GOLT1A: variants seen among roughly 807,000 people sequenced by gnomAD.
The protein encoded by GOLT1A is golgi transport 1A.
A neutral mutation model predicts 16.1 loss-of-function variants in GOLT1A; 10 were observed. The observed-to-expected ratio is 0.62, with a 90% CI of 0.38 to 1.05. GOLT1A has a LOEUF of 1.05. Among genes scored for constraint, GOLT1A ranks in the 50% least tolerant of loss-of-function variants. The pLI, the probability that GOLT1A is intolerant of heterozygous loss-of-function variation, is 0.01. For missense variants in GOLT1A, 137 were observed against 165.7 expected (o/e 0.83, Z 0.95); for synonymous variants, 60 against 67.9 (o/e 0.88, Z 0.57).
rs766729685 is a variant in GOLT1A at position 204,202,867 on chromosome 1, G to T, written c.117+29C>A. 4 of 1,518,986 alleles carry T rather than the reference G, an allele frequency of 2.6e-6. No homozygotes were observed. The African/African-American group carries it at 5.5e-5, about 21-fold the overall frequency. 94.1% of individuals were successfully genotyped at this position (1,518,986 alleles called of 1,614,324 possible). On this transcript the variant is annotated intron_variant, in intron 2 of 4. Transcript: ENST00000308302. ...AGACTTCAGAAAGGTTGGGGCAGGG[G>T]AGTGGGGACACAGGGCTGGGAGACT...
Position 204,199,151 on chromosome 1 carries a change from C to A in GOLT1A, c.360+44G>T, listed in dbSNP as rs1246139083. The A allele has an allele frequency of 3.3e-6, 5 of 1,520,260 alleles. No individual in the cohort carries two copies. The South Asian group carries it at 3.6e-5, about 11-fold the overall frequency. 94.2% of individuals were successfully genotyped at this position (1,520,260 alleles called of 1,614,324 possible). ...GCTCCCCTCCGTGTGCTCCCCCTCA[C>A]TCCCCAGGGTACGCCCGCAGGGCTG... On this transcript the variant is annotated intron_variant, in intron 4 of 4. Coordinates refer to ENST00000308302, the MANE Select transcript of GOLT1A (RefSeq NM_198447.2).
intron 3 of GOLT1A, among the ~76,000 whole-genome samples, chr1:204,200,581 G>C (rs1418234356): frequency 6.6e-6 from 1 of 151,714 alleles, no homozygotes; most frequent in African/African-American, 2.4e-5. Context: ...GCCTGCCTCG[G>C]CCTCCCAAAG....
rs12094776 is a variant in GOLT1A, at chr1:204,208,389, C to T, written c.26-5402G>A. On this transcript the variant is annotated intron_variant, in intron 1 of 4. Transcript: ENST00000308302. ...GTGTGTATCTATACACATATACACA[C>T]ATATGTATACATATATGTATATATG... Among the ~76,000 whole-genome samples the T allele has an allele frequency of 1.7e-4, 13 of 78,236 alleles. No individual in the cohort carries two copies. The South Asian group carries it at 2.8e-3, about 17-fold the overall frequency. The allele number at this position is 78,236 out of a possible 152,430, so 51.3% of individuals were successfully genotyped here. A position where few individuals can be genotyped will look rare whatever the true frequency, so the allele number is the denominator to read the frequency against.
At chr1:204,208,200 T>C (rs1179447567) in intron 1 of GOLT1A, among the ~76,000 whole-genome samples, 1 of 151,868 alleles carries the variant, frequency 6.6e-6, no homozygotes, top group Non-Finnish European at 1.5e-5. Flanking sequence ...GAAAAGATAC[T>C]TGCACATGCC....
chr1:204,200,426 C>T (rs1658938864), intron 3 of GOLT1A, among the ~76,000 whole-genome samples: 1 of 150,164 alleles, frequency 6.7e-6, no homozygotes, highest in Admixed American at 6.6e-5. Context: ...TGCGTTTAAG[C>T]AATTCTTGTG....
chr1:204,199,067 T>G (rs1408751630), intron 4 of GOLT1A, 128 bp downstream of exon 4: 1 of 771,088 alleles, frequency 1.3e-6, no homozygotes, highest in Non-Finnish European at 2.2e-6. Context: ...AAACCTGGGC[T>G]AGGGGGTCTG....
rs1214063460 is a variant in GOLT1A at position 204,198,382 on chromosome 1, A to C, written c.*76T>G. 3 of 1,326,130 alleles carry C rather than the reference A, an allele frequency of 2.3e-6. No individual in the cohort carries two copies. Among genetic ancestry groups the C allele is most frequent in the Non-Finnish European group, 3.3e-6 (3 of 921,258 alleles). 82.1% of individuals were successfully genotyped at this position (1,326,130 alleles called of 1,614,324 possible). A position where few individuals can be genotyped will look rare whatever the true frequency, so the allele number is the denominator to read the frequency against. On this transcript the variant is annotated 3_prime_UTR_variant, in exon 5 of 5. Coordinates refer to ENST00000308302, the MANE Select transcript of GOLT1A (RefSeq NM_198447.2). ...GTCGGGGAGTGAGTCAGTGCAGGGG[A>C]CTGAGGGGGTGGTTCCCATTCTCCC...
chr1:204,203,807 G>A (rs1035634201), intron 1 of GOLT1A, among the ~76,000 whole-genome samples: 25 of 151,474 alleles, frequency 1.7e-4, no homozygotes, highest in African/African-American at 5.8e-4. Context: ...AGGTTTGACA[G>A]TGAGCCCCCA....
chr1:204,212,756 C>T (rs1659158461), intron 1 of GOLT1A, among the ~76,000 whole-genome samples: 1 of 151,972 alleles, frequency 6.6e-6, no homozygotes, highest in African/African-American at 2.4e-5. Flanking sequence ...CATATCACAC[C>T]ATAGCACAAA....
chr1:204,208,474 G>GTGTGTA (rs1553234644), intron 1 of GOLT1A, among the ~76,000 whole-genome samples: 2 of 31,442 alleles, frequency 6.4e-5, no homozygotes, highest in East Asian at 6.6e-4. Flanking sequence ...GTGTGTGTGT[G>GTGTGTA]TGTATATATA....
At chr1:204,207,649 C>T (rs372316958) in intron 1 of GOLT1A, among the ~76,000 whole-genome samples, 2 of 152,244 alleles carry the variant, frequency 1.3e-5, no homozygotes, top group African/African-American at 2.4e-5. Context: ...CTTCTGGCCT[C>T]AGGCACGCAG....
intron 1 of GOLT1A, among the ~76,000 whole-genome samples, chr1:204,206,297 G>A (rs1204224943): frequency 6.6e-6 from 1 of 152,194 alleles, no homozygotes; most frequent in Non-Finnish European, 1.5e-5. Flanking sequence ...TTCCTGACAA[G>A]CCTCGTGATC....
In GOLT1A at chr1:204,213,927, C is replaced by T; in HGVS notation, c.-21G>A. 6.2e-7 allele frequency: 1 copy of T among 1,612,408 alleles called. No homozygotes were observed. Among genetic ancestry groups the T allele is most frequent in the Non-Finnish European group, 8.5e-7 (1 of 1,179,444 alleles). ...ATCATGCCGCACTCAGCCTGGGGGG[C>T]TTTCCGGGTGGAAGCGGGCAAGTGG... is the stretch of plus-strand genomic sequence containing the variant. On this transcript the variant is annotated 5_prime_UTR_variant, in exon 1 of 5. Coordinates refer to ENST00000308302, the MANE Select transcript of GOLT1A (RefSeq NM_198447.2).
chr1:204,198,584 G>C, intron 4 of GOLT1A, 88 bp from the exon 5 acceptor site: 1 of 1,302,902 alleles, frequency 7.7e-7, no homozygotes, highest in Non-Finnish European at 1.1e-6. Context: ...TGAGAGCCAG[G>C]AGCTGTGCCA....
chr1:204,198,468 G>A lies in GOLT1A; in HGVS notation c.389C>T (p.Ser130Leu), dbSNP rs761018559. The change falls in exon 5 of 5, where the codon TCG becomes TTG. Residue 130 changes from serine (S) to leucine (L), a missense_variant. Ser to Leu is a moderately radical substitution (Grantham distance 145, BLOSUM62 -2). Transcript: ENST00000308302. ...GCTCATCTCTGTTTTTCAGACCATC[G>A]AGCTAGTGCCTTGAAGTCTCCGGAA... is the stretch of plus-strand genomic sequence containing the variant. ...ALFRRLQGTS[S>L]MV is the part of the protein sequence containing the mutation. The A allele has an allele frequency of 3.3e-5, 53 of 1,613,574 alleles. No individual in the cohort carries two copies. Among genetic ancestry groups the A allele is most frequent in the South Asian group, 3.2e-4 (29 of 91,044 alleles).
chr1:204,211,361 T>C (rs985118306), intron 1 of GOLT1A, among the ~76,000 whole-genome samples: 3 of 152,164 alleles, frequency 2.0e-5, no homozygotes, highest in Admixed American at 6.5e-5. Flanking sequence ...ACTGTCCCTA[T>C]TGCCTGCCAT....
At chr1:204,212,636 CAAAA>C (rs34059752) in intron 1 of GOLT1A, among the ~76,000 whole-genome samples, 7 of 84,186 alleles carry the variant, frequency 8.3e-5, no homozygotes, top group Admixed American at 2.6e-4. Flanking sequence ...GACTCTGTCT[CAAAA>C]AAAAAAAAAA....
rs573427708 is a variant in GOLT1A at position 204,213,938 on chromosome 1, G to A, written c.-32C>T. On this transcript the variant is annotated 5_prime_UTR_variant, in exon 1 of 5. Transcript: ENST00000308302. ...CTCAGCCTGGGGGGCTTTCCGGGTG[G>A]AAGCGGGCAAGTGGAGCGTGGCCCA... is the stretch of plus-strand genomic sequence containing the variant. The A allele has an allele frequency of 7.9e-5, 127 of 1,611,068 alleles. 1 individual carries two copies. In the South Asian group the frequency reaches 1.3e-3, roughly 16 times the overall value.
At chr1:204,199,988 C>T (rs764188585) in intron 3 of GOLT1A, among the ~76,000 whole-genome samples, 9 of 152,132 alleles carry the variant, frequency 5.9e-5, no homozygotes, top group Non-Finnish European at 1.3e-4. Context: ...GGTTTCACTG[C>T]ACTCTGAGGT....
Sources: allele counts gnomAD v4.1 joint callset (sites outside exome capture counted in the v4.1 genomes callset), GRCh38; gene constraint gnomAD v4.1.1; transcripts MANE v1.5; gene names NCBI Gene and HGNC (gene_info 2026-07-23, HGNC 2026-07-21).